The following HMSD variants were observed in gnomAD, a reference collection of about 807,000 sequenced individuals.
The protein encoded by HMSD is serpin-like protein HMSD.
Under a neutral mutation model 10.0 loss-of-function variants are expected in HMSD, and 13 were observed. The ratio of observed to expected loss-of-function variants is 1.31; its 90% confidence interval spans 0.85 to 2.08. HMSD has a LOEUF of 2.08. Ranked by LOEUF, HMSD falls within the 30% of genes most tolerant of loss-of-function variation. The pLI, the probability that HMSD is intolerant of heterozygous loss-of-function variation, is 0.00. For synonymous variants in HMSD, 51 were observed against 54.2 expected (o/e 0.94, Z 0.26); for missense variants, 169 against 166.3 (o/e 1.02, Z -0.09).
At chr18:63,968,066 T>G (rs906318914) in intron 3 of HMSD, 3 of 152,260 alleles carry the variant, frequency 2.0e-5, no homozygotes, top group African/African-American at 7.2e-5. Flanking sequence ...CATCTTTGAT[T>G]CTTCCTGCTC....
Position 63,960,566 on chromosome 18 carries a change from A to G in HMSD, c.*211A>G. ...ACAAATAGCGTTAAAATTTGAATTT[A>G]AAAATTTCTAGCTGTCTCCCTCACT... On this transcript the variant is annotated 3_prime_UTR_variant, in exon 4 of 4. Coordinates refer to ENST00000408945, the MANE Select transcript of HMSD (RefSeq NM_001123366.2). 7 of 653,832 alleles carry G rather than the reference A, an allele frequency of 1.1e-5. No homozygotes were observed. Among genetic ancestry groups the G allele is most frequent in the Non-Finnish European group, 1.6e-5 (7 of 447,344 alleles). 40.5% of individuals were successfully genotyped at this position (653,832 alleles called of 1,614,324 possible).
At chr18:63,949,794 A>G (rs2050319694) in intron 1 of HMSD, among the ~76,000 whole-genome samples, 1 of 152,208 alleles carries the variant, frequency 6.6e-6, no homozygotes, top group Non-Finnish European at 1.5e-5. Flanking sequence ...GACCTCCAGG[A>G]AAAACAACAG....
At chr18:63,968,778 G>C (rs2050424762) in intron 3 of HMSD, 1 of 152,220 alleles carries the variant, frequency 6.6e-6, no homozygotes, top group South Asian at 2.1e-4. Flanking sequence ...TTTTCAACTG[G>C]CAGAGCCGGT....
chr18:63,951,492 C>T (rs1426802249), intron 1 of HMSD, among the ~76,000 whole-genome samples: 1 of 152,140 alleles, frequency 6.6e-6, no homozygotes, highest in Non-Finnish European at 1.5e-5. Flanking sequence ...ATAGATTACT[C>T]ATATGTGGTT....
In HMSD at chr18:63,960,298, T is replaced by G. The variant is rs748601613; in HGVS notation, c.363T>G (p.Tyr121Ter). Residue 121 changes from tyrosine (Y) to a stop codon, truncating the protein, a stop_gained, in exon 4 of 4, where the codon TAT (tyrosine) becomes TAG (stop). Coordinates refer to ENST00000408945, the MANE Select transcript of HMSD (RefSeq NM_001123366.2). LOFTEE classifies it low-confidence loss of function (END_TRUNC). ...AAGGTGAAAATATATTGTTATTCTA[T>G]TTCGATAATATTTTAAACAGTTTTA... ...KTKGENILLFYFDNILNSFIV... is the reference protein window; with the variant it reads ...KTKGENILLF 8.1e-6 allele frequency: 13 copies of G among 1,607,620 alleles called. No individual in the cohort carries two copies. In the South Asian group the frequency reaches 1.4e-4, roughly 18 times the overall value.
chr18:63,962,778 G>A (rs2050391731), downstream of HMSD, among the ~76,000 whole-genome samples: 1 of 152,292 alleles, frequency 6.6e-6, no homozygotes, highest in East Asian at 1.9e-4. Context: ...CCTTCATGAA[G>A]TACCCCTCCA....
At chr18:63,969,167 T>C (rs1373631644) in intron 3 of HMSD, among the ~76,000 whole-genome samples, 1 of 152,188 alleles carries the variant, frequency 6.6e-6, no homozygotes, top group Non-Finnish European at 1.5e-5. Flanking sequence ...GGAATGTAAA[T>C]AATTTGCTAT....
chr18:63,963,641 A>G (rs898512771), downstream of HMSD, among the ~76,000 whole-genome samples: 1 of 152,214 alleles, frequency 6.6e-6, no homozygotes. Flanking sequence ...AGGAAAAGAG[A>G]CAGATTCAGT....
At chr18:63,958,742 G>T (rs554167653) in intron 3 of HMSD, among the ~76,000 whole-genome samples, 1 of 152,202 alleles carries the variant, frequency 6.6e-6, no homozygotes, top group African/African-American at 2.4e-5. Flanking sequence ...TATTTCAAGT[G>T]CTCAATAGCC....
downstream of HMSD, among the ~76,000 whole-genome samples, chr18:63,964,489 A>G (rs2050402296): frequency 6.6e-6 from 1 of 152,180 alleles, no homozygotes; most frequent in Non-Finnish European, 1.5e-5. Flanking sequence ...GCAGTGAACC[A>G]AGATCATGCC....
intron 3 of HMSD, among the ~76,000 whole-genome samples, chr18:63,954,810 G>C (rs2050349929): frequency 6.6e-6 from 1 of 152,324 alleles, no homozygotes; most frequent in Non-Finnish European, 1.5e-5. Context: ...AGTTGAAAAT[G>C]AATCAGCCAA....
At chr18:63,963,479 C>T (rs1229770293), downstream of HMSD, among the ~76,000 whole-genome samples, 1 of 152,102 alleles carries the variant, frequency 6.6e-6, no homozygotes, top group African/African-American at 2.4e-5. Context: ...TCCACCACCT[C>T]GGCCTCCCAA....
At chr18:63,956,458 G>C (rs989445816) in intron 3 of HMSD, among the ~76,000 whole-genome samples, 1 of 151,938 alleles carries the variant, frequency 6.6e-6, no homozygotes, top group Non-Finnish European at 1.5e-5. Flanking sequence ...TGACATATGC[G>C]TGGCCAACAA....
Position 63,960,313 on chromosome 18 carries a change from A to G in HMSD, c.378A>G (p.Leu126=), listed in dbSNP as rs866860880. Residue 126 remains leucine, a synonymous_variant, in exon 4 of 4, where the codon TTA becomes TTG. Coordinates refer to ENST00000408945, the MANE Select transcript of HMSD (RefSeq NM_001123366.2). ...TGTTATTCTATTTCGATAATATTTT[A>G]AACAGTTTTATAGTCAGTTCTTTAC... is the stretch of plus-strand genomic sequence containing the variant. ...NILLFYFDNI[L]NSFIVSSLQN... The G allele has an allele frequency of 3.1e-6, 5 of 1,601,870 alleles. No individual in the cohort carries two copies. In the Middle Eastern group the frequency reaches 8.4e-4, roughly 269 times the overall value.
intron 3 of HMSD, among the ~76,000 whole-genome samples, chr18:63,957,937 T>G (rs1301742503): frequency 1.3e-5 from 2 of 152,166 alleles, no homozygotes; most frequent in African/African-American, 4.8e-5. Context: ...AAATAGTAAC[T>G]TAAAATAGCA....
Position 63,954,545 on chromosome 18 carries a change from T to G in HMSD, c.210T>G (p.Tyr70Ter). 6.2e-7 allele frequency: 1 copy of G among 1,611,800 alleles called. No individual in the cohort carries two copies. Among genetic ancestry groups the G allele is most frequent in the Non-Finnish European group, 8.5e-7 (1 of 1,178,512 alleles). Residue 70 changes from tyrosine to a stop codon, truncating the protein, a stop_gained, in exon 3 of 4, where the codon TAT becomes TAG. Coordinates refer to ENST00000408945, the MANE Select transcript of HMSD (RefSeq NM_001123366.2). LOFTEE classifies it high-confidence loss of function. Reference protein sequence around the residue: ...TANGLFGEKSYDFLTGFTDSC... With the variant: ...TANGLFGEKS ...ACGGGCTCTTTGGAGAAAAGTCTTA[T>G]GATTTCCTCACAGTAAGTCATACTT... is the stretch of plus-strand genomic sequence containing the variant.
At chr18:63,965,359 C>T (rs2050405311), downstream of HMSD, among the ~76,000 whole-genome samples, 1 of 152,172 alleles carries the variant, frequency 6.6e-6, no homozygotes, top group Admixed American at 6.5e-5. Context: ...TTCCTATCTG[C>T]AACACATTCA....
chr18:63,953,667 C>G (rs1020666565), intron 2 of HMSD, 140 bp downstream of exon 2: 1 of 719,060 alleles, frequency 1.4e-6, no homozygotes, highest in African/African-American at 1.8e-5. Context: ...GGAGAATTGG[C>G]AGGATGGAGC....
At chr18:63,963,081 CTTTCTTTCTTTCTTTCTTTCTTTCTT>C (rs1568261279), downstream of HMSD, among the ~76,000 whole-genome samples, 3,599 of 78,550 alleles carry the variant, frequency 0.046, 244 homozygotes, top group African/African-American at 0.17. Context: ...CTCTTTCTTT[CTTTCTTTCTTTCTTTCTTTCTTTCTT>C]TCTTTCTTTC....
Sources: allele counts gnomAD v4.1 joint callset (sites outside exome capture counted in the v4.1 genomes callset), GRCh38; gene constraint gnomAD v4.1.1; transcripts MANE v1.5; gene names NCBI Gene and HGNC (gene_info 2026-07-23, HGNC 2026-07-21).